DLGAP3: variants seen among roughly 807,000 people sequenced by gnomAD.
The protein encoded by DLGAP3 is disks large-associated protein 3.
A neutral mutation model predicts 81.2 loss-of-function variants in DLGAP3; 17 were observed. The ratio of observed to expected loss-of-function variants is 0.21; its 90% CI spans 0.14 to 0.31. DLGAP3 has a LOEUF of 0.31. Ranked by LOEUF, DLGAP3 falls within the 10% of genes least tolerant of loss-of-function variation. The pLI, the probability that DLGAP3 is intolerant of heterozygous loss-of-function variation, is 1.00. For missense variants in DLGAP3, 1,124 were observed against 1,388.0 expected (o/e 0.81, Z 3.02); for synonymous variants, 577 against 587.4 (o/e 0.98, Z 0.26).
At chr1:34,908,609 G>A (rs6425925) in intron 1 of DLGAP3, among the ~76,000 whole-genome samples, 1 of 152,034 alleles carries the variant, frequency 6.6e-6, no homozygotes, top group African/African-American at 2.4e-5. Context: ...GGGATGTCAG[G>A]AAGAAGAGCT....
chr1:34,878,728 C>A (rs1431564994), intron 8 of DLGAP3, among the ~76,000 whole-genome samples: 1 of 152,186 alleles, frequency 6.6e-6, no homozygotes, highest in African/African-American at 2.4e-5. Context: ...TATATGACAG[C>A]CGTCCCCAAC....
chr1:34,908,035 CT>C (rs2148414336), intron 1 of DLGAP3, among the ~76,000 whole-genome samples: 1 of 152,350 alleles, frequency 6.6e-6, no homozygotes, highest in African/African-American at 2.4e-5. Context: ...CTTTATCGGG[CT>C]TTTATAACAC....
chr1:34,876,329 TGAAA>T, intron 8 of DLGAP3, among the ~76,000 whole-genome samples: 1 of 152,338 alleles, frequency 6.6e-6, no homozygotes, highest in South Asian at 2.1e-4. Flanking sequence ...GGGAACACCC[TGAAA>T]GGCAGAAGAG....
chr1:34,899,640 T>C (rs1242285334), intron 5 of DLGAP3, 29 bp downstream of exon 5: 2 of 1,580,610 alleles, frequency 1.3e-6, no homozygotes, highest in East Asian at 2.2e-5. Context: ...TTTCACTCTT[T>C]CCTCCAGGCA....
At chr1:34,891,434 C>T (rs1244006346) in intron 5 of DLGAP3, among the ~76,000 whole-genome samples, 2 of 152,154 alleles carry the variant, frequency 1.3e-5, no homozygotes, top group African/African-American at 2.4e-5. Flanking sequence ...GGCAAACTAA[C>T]CAGGAATTTA....
At chr1:34,870,358 A>G (rs952465927) in intron 8 of DLGAP3, among the ~76,000 whole-genome samples, 5 of 152,150 alleles carry the variant, frequency 3.3e-5, no homozygotes, top group African/African-American at 7.2e-5. Context: ...AAGGACCACA[A>G]AAGAAAAGCC....
intron 1 of DLGAP3, among the ~76,000 whole-genome samples, chr1:34,925,808 C>G (rs535324187): frequency 1.3e-5 from 2 of 152,106 alleles, no homozygotes; most frequent in Non-Finnish European, 2.9e-5. Context: ...ACTCTGAGCT[C>G]TTAACTGGAA....
At chr1:34,909,344 G>C (rs1639606787) in intron 1 of DLGAP3, among the ~76,000 whole-genome samples, 2 of 152,142 alleles carry the variant, frequency 1.3e-5, no homozygotes, top group South Asian at 4.2e-4. Flanking sequence ...CCTTTACCCA[G>C]ATCCTACAGG....
At chr1:34,906,453 T>G (rs1010557397) in intron 2 of DLGAP3, among the ~76,000 whole-genome samples, 23 of 152,134 alleles carry the variant, frequency 1.5e-4, no homozygotes, top group African/African-American at 5.6e-4. Context: ...ATTCCTCCCC[T>G]TCCTTCCACA....
intron 3 of DLGAP3, among the ~76,000 whole-genome samples, chr1:34,903,653 C>G (rs1639497784): frequency 6.6e-6 from 1 of 152,178 alleles, no homozygotes. Context: ...CCGGGAGGCC[C>G]TGCCTGAATT....
Position 34,885,505 on chromosome 1 carries a change from C to G in DLGAP3, c.1887G>C (p.Arg629=). ...REELRSLARQ[R]KWRPSIGVQV... is the part of the protein sequence containing the mutation. ...GCACCCCAATGGACGGCCGCCACTT[C>G]CGCTGCCGCGCCAGGCTCCGCAGCT... Residue 629 remains arginine (R), a synonymous_variant, in exon 7 of 12, where the codon CGG becomes CGC. Transcript: ENST00000373347. 6.2e-7 allele frequency: 1 copy of G among 1,609,000 alleles called. No homozygotes were observed. Among genetic ancestry groups the G allele is most frequent in the Non-Finnish European group, 8.5e-7 (1 of 1,179,858 alleles).
At chr1:34,910,128 A>G (rs1368477577) in intron 1 of DLGAP3, among the ~76,000 whole-genome samples, 2 of 152,212 alleles carry the variant, frequency 1.3e-5, no homozygotes, top group African/African-American at 4.8e-5. Flanking sequence ...GGCCTAGAGA[A>G]CTGCAGAGAT....
chr1:34,913,117 C>T (rs1346227666), intron 1 of DLGAP3, among the ~76,000 whole-genome samples: 1 of 152,144 alleles, frequency 6.6e-6, no homozygotes. Context: ...CCCCTCACTG[C>T]CCCAGAAAAT....
chr1:34,910,421 C>G (rs1195883457), intron 1 of DLGAP3, among the ~76,000 whole-genome samples: 5 of 152,236 alleles, frequency 3.3e-5, no homozygotes, highest in Non-Finnish European at 5.9e-5. Context: ...TGTCACTTCT[C>G]TGCTTAAAAC....
chr1:34,890,757 A>G (rs562411992), intron 5 of DLGAP3, among the ~76,000 whole-genome samples: 23 of 152,214 alleles, frequency 1.5e-4, no homozygotes, highest in Non-Finnish European at 2.9e-4. Context: ...CTTGGCCAAC[A>G]CCTTGATTGC....
At chr1:34,921,980 T>C (rs1447064577) in intron 1 of DLGAP3, among the ~76,000 whole-genome samples, 3 of 152,228 alleles carry the variant, frequency 2.0e-5, no homozygotes, top group Admixed American at 2.0e-4. Context: ...ACGTGTATTG[T>C]CACATCTTGT....
chr1:34,885,428 C>A (rs778174482), intron 7 of DLGAP3, 50 bp downstream of exon 7: 7 of 1,589,280 alleles, frequency 4.4e-6, no homozygotes, highest in Non-Finnish European at 6.0e-6. Flanking sequence ...CTCACCCCAG[C>A]CCCGACCGAC....
intron 3 of DLGAP3, among the ~76,000 whole-genome samples, chr1:34,903,353 G>A (rs1296909988): frequency 6.6e-6 from 1 of 152,168 alleles, no homozygotes; most frequent in Non-Finnish European, 1.5e-5. Flanking sequence ...CTCACAAGCA[G>A]CATCTGTATC....
intron 1 of DLGAP3, among the ~76,000 whole-genome samples, chr1:34,913,803 T>C (rs1368897956): frequency 7.2e-5 from 11 of 152,264 alleles, no homozygotes; most frequent in African/African-American, 2.6e-4. Context: ...TCCACTCCTT[T>C]CTCTTCAAAG....
Sources: allele counts gnomAD v4.1 joint callset (sites outside exome capture counted in the v4.1 genomes callset), GRCh38; gene constraint gnomAD v4.1.1; transcripts MANE v1.5; gene names NCBI Gene and HGNC (gene_info 2026-07-23, HGNC 2026-07-21).